Variants in PSKH1 observed in about 807,000 individuals in gnomAD.
PSKH1 encodes protein serine kinase H1, also known as serine/threonine-protein kinase H1.
Under a neutral mutation model 26.7 loss-of-function variants are expected in PSKH1, and 12 were observed. The ratio of observed to expected loss-of-function variants is 0.45; its 90% CI spans 0.29 to 0.73. The LOEUF is 0.73. Among genes scored for constraint, PSKH1 ranks in the 30% least tolerant of loss-of-function variants. PSKH1 has a pLI of 0.11. For missense variants in PSKH1, 431 were observed against 595.2 expected (o/e 0.72, Z 2.87); for synonymous variants, 213 against 234.3 (o/e 0.91, Z 0.83).
At chr16:67,893,774 G>A (rs2058118772) in intron 1 of PSKH1, among the ~76,000 whole-genome samples, 1 of 152,232 alleles carries the variant, frequency 6.6e-6, no homozygotes, top group Non-Finnish European at 1.5e-5. Flanking sequence ...TCTGCCAGGG[G>A]CCGGCGGGGC....
Position 67,908,886 on chromosome 16 carries a change from G to A in PSKH1, c.137G>A (p.Gly46Asp). 1 of 1,614,156 alleles carries A rather than the reference G, an allele frequency of 6.2e-7. No homozygotes were observed. Among genetic ancestry groups the A allele is most frequent in the Non-Finnish European group, 8.5e-7 (1 of 1,180,024 alleles). Residue 46 changes from glycine to aspartate, a missense_variant, in exon 2 of 3, where the codon GGC (glycine) becomes GAC (aspartate). Transcript: ENST00000291041. ...KHFITEVDSV[G>D]PVKAGFPAAS... is the part of the protein sequence containing the mutation. The stretch of plus-strand genomic sequence containing the variant: ...TTCATCACAGAGGTGGACAGTGTTG[G>A]CCCTGTCAAAGCCGGGTTCCCAGCA...
chr16:67,894,258 TCCTC>T (rs2058120063), intron 1 of PSKH1, among the ~76,000 whole-genome samples: 1 of 152,240 alleles, frequency 6.6e-6, no homozygotes, highest in African/African-American at 2.4e-5. Flanking sequence ...ACTCAAATGA[TCCTC>T]CCGCCTCAAC....
At chr16:67,922,719 G>A (rs1297059812) in intron 2 of PSKH1, among the ~76,000 whole-genome samples, 1 of 152,216 alleles carries the variant, frequency 6.6e-6, no homozygotes, top group Non-Finnish European at 1.5e-5. Context: ...CTCTAAGGCC[G>A]ACAGAGAAGG....
chr16:67,894,382 C>T (rs1482635838), intron 1 of PSKH1, among the ~76,000 whole-genome samples: 4 of 152,102 alleles, frequency 2.6e-5, no homozygotes, highest in Non-Finnish European at 4.4e-5. Context: ...TTCAAGAGAC[C>T]CTCCTGCCTA....
intron 2 of PSKH1, among the ~76,000 whole-genome samples, chr16:67,921,532 C>T (rs1480288595): frequency 6.6e-6 from 1 of 150,940 alleles, no homozygotes; most frequent in African/African-American, 2.4e-5. Flanking sequence ...TGAGATTGCA[C>T]ATCGCGCCAC....
At chr16:67,906,189 C>T (rs1177195180) in intron 1 of PSKH1, among the ~76,000 whole-genome samples, 3 of 152,186 alleles carry the variant, frequency 2.0e-5, no homozygotes, top group Non-Finnish European at 2.9e-5. Context: ...TCTTCTGCCT[C>T]AGCCTCCCAA....
intron 1 of PSKH1, among the ~76,000 whole-genome samples, chr16:67,907,751 G>C (rs2058160664): frequency 6.6e-6 from 1 of 152,150 alleles, no homozygotes; most frequent in African/African-American, 2.4e-5. Flanking sequence ...TGCCAGGGTG[G>C]GGACAGTGCA....
At chr16:67,913,678 C>T (rs2058179324) in intron 2 of PSKH1, among the ~76,000 whole-genome samples, 1 of 152,148 alleles carries the variant, frequency 6.6e-6, no homozygotes, top group African/African-American at 2.4e-5. Flanking sequence ...GAAACCAGAG[C>T]CCTGCCAGGG....
At chr16:67,910,395 CAGAG>C (rs1458442130) in intron 2 of PSKH1, among the ~76,000 whole-genome samples, 1 of 152,346 alleles carries the variant, frequency 6.6e-6, no homozygotes, top group East Asian at 1.9e-4. Flanking sequence ...ATGCCCATCT[CAGAG>C]AGCAGCTTCT....
chr16:67,904,803 C>G (rs971570456), intron 1 of PSKH1, among the ~76,000 whole-genome samples: 17 of 150,826 alleles, frequency 1.1e-4, no homozygotes, highest in Non-Finnish European at 1.8e-4. Context: ...ACACCACACT[C>G]TTACTGGTCC....
intron 2 of PSKH1, among the ~76,000 whole-genome samples, chr16:67,922,635 T>A (rs2058205762): frequency 6.6e-6 from 1 of 152,216 alleles, no homozygotes; most frequent in South Asian, 2.1e-4. Context: ...TCCAGGAGTT[T>A]ATAAACTGGA....
chr16:67,904,404 C>T (rs2058150205), intron 1 of PSKH1, among the ~76,000 whole-genome samples: 1 of 151,790 alleles, frequency 6.6e-6, no homozygotes, highest in South Asian at 2.1e-4. Context: ...TGGGGTTTTA[C>T]CATATTGGCC....
Position 67,918,986 on chromosome 16 carries a change from C to T in PSKH1, c.958-8339C>T, listed in dbSNP as rs775644852. ...GCATGTCTCAGTGCTCTCTAGGTGA[C>T]GGGGCTTGGTTATGCAGCCTGGTCC... On this transcript the variant is annotated intron_variant, in intron 2 of 2. Coordinates refer to ENST00000291041, the MANE Select transcript of PSKH1 (RefSeq NM_006742.3). Among the ~76,000 whole-genome samples the T allele has an allele frequency of 7.6e-4, 116 of 152,150 alleles. 1 individual carries two copies. The highest frequency in any genetic ancestry group is 2.6e-3 in the African/African-American group (109 of 41,442).
chr16:67,900,363 G>A (rs181622673), intron 1 of PSKH1, among the ~76,000 whole-genome samples: 1 of 152,288 alleles, frequency 6.6e-6, no homozygotes, highest in Non-Finnish European at 1.5e-5. Flanking sequence ...GACAGCTGTA[G>A]TGATCAAAGG....
intron 1 of PSKH1, among the ~76,000 whole-genome samples, chr16:67,902,328 T>C (rs1196232727): frequency 6.6e-6 from 1 of 151,990 alleles, no homozygotes; most frequent in Admixed American, 6.6e-5. Context: ...TTTGAGACAG[T>C]CTCGATCTCT....
intron 2 of PSKH1, among the ~76,000 whole-genome samples, chr16:67,924,400 G>C (rs933827328): frequency 6.6e-6 from 1 of 152,214 alleles, no homozygotes; most frequent in Non-Finnish European, 1.5e-5. Context: ...GAGCAGCAGG[G>C]GTTGATGCCT....
In PSKH1 at chr16:67,909,792, C is replaced by A; in HGVS notation, c.957+86C>A. On this transcript the variant is annotated intron_variant, in intron 2 of 2. Coordinates refer to ENST00000291041, the MANE Select transcript of PSKH1 (RefSeq NM_006742.3). The surrounding 1 kb of genome is among the most constrained non-coding windows in gnomAD (Gnocchi z 7.8). ...CTGCAGCTCTCAGTCAGAGGTATGT[C>A]CTCAGGGCCATGCTCGTGAGGGCCA... The A allele has an allele frequency of 7.9e-7, 1 of 1,263,464 alleles. No homozygotes were observed. The highest frequency in any genetic ancestry group is 1.1e-6 in the Non-Finnish European group (1 of 903,924). The allele number at this position is 1,263,464 out of a possible 1,614,324, so 78.3% of individuals were successfully genotyped here.
chr16:67,897,391 G>T (rs923161962), intron 1 of PSKH1, among the ~76,000 whole-genome samples: 2 of 152,142 alleles, frequency 1.3e-5, no homozygotes, highest in African/African-American at 4.8e-5. Context: ...TGTTGCCATG[G>T]TGTCTGATGT....
At chr16:67,894,446 C>G (rs59462502) in intron 1 of PSKH1, among the ~76,000 whole-genome samples, 1,646 of 152,228 alleles carry the variant, frequency 0.011, 35 homozygotes, top group African/African-American at 0.038. Flanking sequence ...GTGCTTGGTC[C>G]CCTTGTGCTT....
Sources: gnomAD v4.1 joint callset for allele counts (sites outside exome capture counted in the v4.1 genomes callset) on GRCh38, gnomAD v4.1.1 for gene constraint, Gnocchi (gnomAD v3.1) non-coding constraint, MANE v1.5 for transcripts, NCBI Gene and HGNC (gene_info 2026-07-23, HGNC 2026-07-21) for gene names.